The following RIMS2 variants were observed in gnomAD, a reference collection of about 807,000 sequenced individuals.
RIMS2 encodes regulating synaptic membrane exocytosis protein 2.
RIMS2 carries 59 observed loss-of-function variants against 174.4 expected under a neutral mutation model. That is an observed-to-expected ratio of 0.34 (90% CI 0.27 to 0.42). The LOEUF (loss-of-function observed/expected upper bound fraction) is 0.42, where lower values mean the gene tolerates loss of function less well. Among genes scored for constraint, RIMS2 ranks in the 10% least tolerant of loss-of-function variants. The pLI, the probability that RIMS2 is intolerant of heterozygous loss-of-function variation, is 1.00. For synonymous variants in RIMS2, 606 were observed against 572.5 expected (o/e 1.06, Z -0.84); for missense variants, 1,620 against 1,666.3 (o/e 0.97, Z 0.48).
chr8:103,719,503 T>A (rs2097419347), intron 2 of RIMS2, among the ~76,000 whole-genome samples: 1 of 152,206 alleles, frequency 6.6e-6, no homozygotes, highest in African/African-American at 2.4e-5. Flanking sequence ...CCTCTATACA[T>A]GTTTTAAGAA....
chr8:103,896,769 T>G (rs2099280328), intron 4 of RIMS2, among the ~76,000 whole-genome samples: 1 of 151,736 alleles, frequency 6.6e-6, no homozygotes, highest in South Asian at 2.1e-4. Context: ...TTAGATGGGA[T>G]TCTGAACCAG....
intron 3 of RIMS2, among the ~76,000 whole-genome samples, chr8:103,867,171 A>G (rs1248969629): frequency 2.6e-5 from 4 of 151,948 alleles, no homozygotes; most frequent in Admixed American, 2.0e-4. Flanking sequence ...GTATTTAAGG[A>G]GATGCTAGCC....
At chr8:103,682,083 A>G (rs571387114) in intron 1 of RIMS2, among the ~76,000 whole-genome samples, 3 of 152,196 alleles carry the variant, frequency 2.0e-5, no homozygotes, top group African/African-American at 7.2e-5. Context: ...GGAACAATGG[A>G]AGGGAATCTG....
chr8:104,251,876 A>AT, downstream of RIMS2: 3 of 1,088,414 alleles, frequency 2.8e-6, no homozygotes, highest in East Asian at 7.1e-5. Context: ...AAAAAAAAAA[A>AT]TCACAGGTTG....
chr8:103,953,494 C>T (rs1159821932), intron 14 of RIMS2, among the ~76,000 whole-genome samples: 1 of 152,116 alleles, frequency 6.6e-6, no homozygotes, highest in Non-Finnish European at 1.5e-5. Context: ...TCATATCCAG[C>T]CAAACTAAGC....
intron 1 of RIMS2, among the ~76,000 whole-genome samples, chr8:103,609,174 A>T (rs1479753819): frequency 6.6e-6 from 1 of 152,124 alleles, no homozygotes; most frequent in Non-Finnish European, 1.5e-5. Context: ...GTGCCGGTTC[A>T]TGTCTTTTAC....
At chr8:104,066,397 T>G (rs1344142174) in intron 19 of RIMS2, among the ~76,000 whole-genome samples, 1 of 56,292 alleles carries the variant, frequency 1.8e-5, no homozygotes, top group Non-Finnish European at 4.4e-5. Flanking sequence ...TCTATATATG[T>G]GTGTGTGTGT....
At chr8:104,106,926 C>T (rs182256269) in intron 19 of RIMS2, among the ~76,000 whole-genome samples, 110 of 151,974 alleles carry the variant, frequency 7.2e-4, no homozygotes, top group Non-Finnish European at 1.3e-3. Flanking sequence ...TTGTTAGATG[C>T]CATAACATCA....
intron 3 of RIMS2, among the ~76,000 whole-genome samples, chr8:103,871,958 T>A (rs1324333336): frequency 1.3e-5 from 2 of 152,220 alleles, no homozygotes; most frequent in African/African-American, 4.8e-5. Flanking sequence ...AGTCTCTGGA[T>A]GAACAGCATT....
In RIMS2 at chr8:103,533,954, C is replaced by CA. The variant is rs1223075987; in HGVS notation, c.176+32892_176+32893insA. 2.0e-5 allele frequency among the ~76,000 whole-genome samples: 3 copies of CA among 152,192 alleles called. No homozygotes were observed. The East Asian group carries it at 5.8e-4, about 29-fold the overall frequency. On this transcript the variant is annotated intron_variant, in intron 1 of 23. Coordinates refer to ENST00000504942, the Ensembl canonical transcript of RIMS2. ...CAGAAATTGAATATTATGACTCATT[C>CA]TATCAAATAGAAGTGTGATGGTCTA...
chr8:103,533,360 G>C (rs570518888), intron 1 of RIMS2, among the ~76,000 whole-genome samples: 1 of 152,046 alleles, frequency 6.6e-6, no homozygotes, highest in Non-Finnish European at 1.5e-5. Context: ...CTTGACTCTT[G>C]GTGAATTGAC....
At chr8:104,251,140 A>G (rs1429114356) in exon 23 of RIMS2, 1 of 1,612,510 alleles carries the variant, frequency 6.2e-7, no homozygotes, top group East Asian at 2.2e-5. Context: ...TTTCGAAGAG[A>G]GTCCACAAGG....
chr8:103,638,000 C>CAAAA (rs2096128413), intron 1 of RIMS2, among the ~76,000 whole-genome samples: 1 of 152,040 alleles, frequency 6.6e-6, no homozygotes, highest in Non-Finnish European at 1.5e-5. Flanking sequence ...TGATTTTTCC[C>CAAAA]CTGATTCAAC....
At chr8:104,153,631 G>C (rs1384635868) in intron 19 of RIMS2, among the ~76,000 whole-genome samples, 1 of 152,082 alleles carries the variant, frequency 6.6e-6, no homozygotes, top group Admixed American at 6.5e-5. Context: ...TAATTTAGGA[G>C]TAATCCGCGG....
intron 19 of RIMS2, among the ~76,000 whole-genome samples, chr8:104,207,681 C>T (rs960498798): frequency 6.6e-6 from 1 of 151,882 alleles, no homozygotes; most frequent in African/African-American, 2.4e-5. Flanking sequence ...GGCCTGGTGG[C>T]AGGCATCTGT....
At chr8:104,238,085 G>A (rs954869056) in intron 19 of RIMS2, among the ~76,000 whole-genome samples, 1 of 152,200 alleles carries the variant, frequency 6.6e-6, no homozygotes, top group African/African-American at 2.4e-5. Flanking sequence ...TAAAGAAAAT[G>A]TGGCACATAT....
intron 3 of RIMS2, among the ~76,000 whole-genome samples, chr8:103,858,077 A>G (rs954836252): frequency 7.9e-5 from 12 of 152,212 alleles, no homozygotes; most frequent in Non-Finnish European, 1.2e-4. Flanking sequence ...TTCTTGTTGT[A>G]CAGAGAAATA....
chr8:104,057,198 A>T (rs987183157), intron 19 of RIMS2, among the ~76,000 whole-genome samples: 1 of 151,044 alleles, frequency 6.6e-6, no homozygotes, highest in African/African-American at 2.4e-5. Context: ...TCCCATGCAT[A>T]TGGGACCACA....
At chr8:103,900,780 TC>T (rs1363304679) in intron 4 of RIMS2, among the ~76,000 whole-genome samples, 2 of 152,116 alleles carry the variant, frequency 1.3e-5, no homozygotes, top group Non-Finnish European at 2.9e-5. Context: ...TTAGAGTTCT[TC>T]CTCCTGGCAA....
Sources: gnomAD v4.1 joint callset for allele counts (sites outside exome capture counted in the v4.1 genomes callset) on GRCh38, gnomAD v4.1.1 for gene constraint, MANE v1.5 for transcripts, NCBI Gene and HGNC (gene_info 2026-07-23, HGNC 2026-07-21) for gene names.